DLC1: variants seen among roughly 807,000 people sequenced by gnomAD.
DLC1 encodes the protein rho GTPase-activating protein 7.
In DLC1, 54 loss-of-function variants were observed where a neutral mutation model predicts 140.3. The observed-to-expected ratio is 0.38, with a 90% CI of 0.31 to 0.48. The LOEUF (loss-of-function observed/expected upper bound fraction) is 0.48, where lower values mean the gene tolerates loss of function less well. Ranked by LOEUF, DLC1 falls within the 20% of genes least tolerant of loss-of-function variation. The pLI is 0.96. For missense variants in DLC1, 2,536 were observed against 1,907.0 expected (o/e 1.33, Z -6.14); for synonymous variants, 986 against 728.1 (o/e 1.35, Z -5.70).
chr8:13,499,397 C>G lies in DLC1; in HGVS notation c.675G>C (p.Leu225Phe). The G allele has an allele frequency of 6.2e-7, 1 of 1,613,752 alleles. No homozygotes were observed. The highest frequency in any genetic ancestry group is 8.5e-7 in the Non-Finnish European group (1 of 1,179,944). Residue 225 changes from leucine (L) to phenylalanine (F), a missense_variant, in exon 2 of 18, where the codon TTG (leucine) becomes TTC (phenylalanine). Transcript: ENST00000276297. Reference sequence around the variant, plus strand: ...GCTGAGCAATTACAGCAGAGTTAAGCAATTGTTTCTCAGGTGCAATATCTT... The same window carrying G: ...GCTGAGCAATTACAGCAGAGTTAAGGAATTGTTTCTCAGGTGCAATATCTT... Reference protein sequence around the residue: ...NVKDIAPEKQLLNSAVIAQQR... With the variant: ...NVKDIAPEKQFLNSAVIAQQR...
At chr8:13,351,801 C>A (rs1170321184) in intron 4 of DLC1, among the ~76,000 whole-genome samples, 1 of 152,222 alleles carries the variant, frequency 6.6e-6, no homozygotes, top group African/African-American at 2.4e-5. Context: ...TGACACACTT[C>A]TCAAAAGAAA....
chr8:13,092,582 G>A (rs1483228449), intron 13 of DLC1, 30 bp downstream of exon 13: 3 of 1,534,508 alleles, frequency 2.0e-6, no homozygotes, highest in Admixed American at 2.0e-5. Context: ...GCTGCCCCCT[G>A]TGTGCATGCA....
At chr8:13,332,623 G>GTTT (rs3988465) in intron 4 of DLC1, among the ~76,000 whole-genome samples, 129,604 of 151,422 alleles carry the variant, frequency 0.86, 55,887 homozygotes, top group East Asian at 0.95. Flanking sequence ...TAGAGATTGG[G>GTTT]TTCCATGTTG....
At chr8:13,437,601 G>T (rs898282475) in intron 2 of DLC1, among the ~76,000 whole-genome samples, 2 of 152,128 alleles carry the variant, frequency 1.3e-5, no homozygotes, top group Admixed American at 1.3e-4. Flanking sequence ...GGCTATGAAG[G>T]TCGGTCCACA....
chr8:13,590,923 A>C (rs1164060365), intron 1 of DLC1, among the ~76,000 whole-genome samples: 2 of 152,120 alleles, frequency 1.3e-5, no homozygotes, highest in Non-Finnish European at 2.9e-5. Flanking sequence ...AGGAATGACA[A>C]AATCAAAATA....
At chr8:13,190,320 G>A (rs544388270) in intron 5 of DLC1, among the ~76,000 whole-genome samples, 1 of 152,222 alleles carries the variant, frequency 6.6e-6, no homozygotes, top group East Asian at 1.9e-4. Context: ...TGCCTCTGGT[G>A]TGAGCTTGCT....
chr8:13,264,052 T>TGCTATTTATTTATTTA (rs145620486), intron 5 of DLC1, among the ~76,000 whole-genome samples: 3 of 143,034 alleles, frequency 2.1e-5, no homozygotes, highest in African/African-American at 7.8e-5. Context: ...ATAAGAAGCT[T>TGCTATTTATTTATTTA]TTTATTTATT....
chr8:13,480,747 T>G (rs961290529), intron 2 of DLC1, among the ~76,000 whole-genome samples: 1 of 151,844 alleles, frequency 6.6e-6, no homozygotes, highest in East Asian at 1.9e-4. Flanking sequence ...CTACTAAAAG[T>G]ATAAAAAATT....
chr8:13,582,069 A>G (rs1805120554), intron 1 of DLC1, among the ~76,000 whole-genome samples: 1 of 151,714 alleles, frequency 6.6e-6, no homozygotes, highest in South Asian at 2.1e-4. Context: ...AACAAAGTCC[A>G]CTCTCCCTAG....
intron 5 of DLC1, among the ~76,000 whole-genome samples, chr8:13,254,463 C>A (rs1248992188): frequency 6.6e-6 from 1 of 152,174 alleles, no homozygotes; most frequent in Admixed American, 6.5e-5. Flanking sequence ...TGGAAACAAA[C>A]TATAACCTAT....
intron 5 of DLC1, among the ~76,000 whole-genome samples, chr8:13,189,908 T>C (rs1200436557): frequency 6.6e-6 from 1 of 151,938 alleles, no homozygotes; most frequent in African/African-American, 2.4e-5. Context: ...AGCTGCACTC[T>C]TGGCCCTGGC....
chr8:13,105,782 T>C (rs1819516714), intron 7 of DLC1, among the ~76,000 whole-genome samples: 1 of 152,120 alleles, frequency 6.6e-6, no homozygotes, highest in Non-Finnish European at 1.5e-5. Flanking sequence ...GTTTGCCATG[T>C]TGCCCGGCTG....
chr8:13,200,671 C>T (rs1051937730), intron 5 of DLC1, among the ~76,000 whole-genome samples: 2 of 151,922 alleles, frequency 1.3e-5, no homozygotes, highest in Non-Finnish European at 2.9e-5. Flanking sequence ...GTAGTACAGT[C>T]ATAAGTCGCT....
chr8:13,158,717 T>C (rs1323294420), intron 5 of DLC1, among the ~76,000 whole-genome samples: 1 of 116,802 alleles, frequency 8.6e-6, no homozygotes, highest in African/African-American at 3.3e-5. Context: ...AGAGTTAATG[T>C]TCACAACCAC....
intron 4 of DLC1, among the ~76,000 whole-genome samples, chr8:13,325,538 G>T (rs1833303519): frequency 6.6e-6 from 1 of 152,020 alleles, no homozygotes; most frequent in Non-Finnish European, 1.5e-5. Flanking sequence ...TTGATGAGTG[G>T]GTAGTTTCTG....
At chr8:13,512,620 T>G (rs1440198365) in intron 1 of DLC1, among the ~76,000 whole-genome samples, 1 of 152,130 alleles carries the variant, frequency 6.6e-6, no homozygotes, top group Non-Finnish European at 1.5e-5. Flanking sequence ...TGAAATAAGC[T>G]ACAGCAACAA....
At chr8:13,228,107 G>C (rs555495384) in intron 5 of DLC1, among the ~76,000 whole-genome samples, 1 of 152,166 alleles carries the variant, frequency 6.6e-6, no homozygotes, top group African/African-American at 2.4e-5. Flanking sequence ...GTATATAAAT[G>C]GGAATAATTA....
intron 5 of DLC1, among the ~76,000 whole-genome samples, chr8:13,148,139 G>T (rs1047381224): frequency 1.3e-5 from 2 of 151,778 alleles, no homozygotes; most frequent in African/African-American, 4.8e-5. Flanking sequence ...TTAATTTTAG[G>T]TCTGGGGTAC....
intron 4 of DLC1, among the ~76,000 whole-genome samples, chr8:13,366,354 C>A (rs1479414413): frequency 6.6e-6 from 1 of 152,092 alleles, no homozygotes; most frequent in African/African-American, 2.4e-5. Context: ...ATGATGATAT[C>A]GTAGTGATTA....
Sources: gnomAD v4.1 joint callset for allele counts (sites outside exome capture counted in the v4.1 genomes callset) on GRCh38, gnomAD v4.1.1 for gene constraint, MANE v1.5 for transcripts, NCBI Gene and HGNC (gene_info 2026-07-23, HGNC 2026-07-21) for gene names.